The following RGS5 variants were observed in gnomAD, a reference collection of about 807,000 sequenced individuals.
The protein encoded by RGS5 is regulator of G protein signaling 5, also known as regulator of G-protein signalling 5.
Under a neutral mutation model 18.9 loss-of-function variants are expected in RGS5, and 20 were observed. The ratio of observed to expected loss-of-function variants is 1.06; its 90% CI spans 0.74 to 1.54. The LOEUF is 1.54. RGS5 is among the 40% of genes most tolerant of loss of function. The pLI is 0.00. For missense variants in RGS5, 201 were observed against 211.8 expected (o/e 0.95, Z 0.32); for synonymous variants, 57 against 76.2 (o/e 0.75, Z 1.31).
At chr1:163,176,678 T>C (rs1291265449) in intron 1 of RGS5, among the ~76,000 whole-genome samples, 1 of 152,216 alleles carries the variant, frequency 6.6e-6, no homozygotes, top group African/African-American at 2.4e-5. Context: ...CCTCTCCTTT[T>C]GTTCACTTAT....
intron 1 of RGS5, among the ~76,000 whole-genome samples, chr1:163,192,671 C>T (rs1336477315): frequency 6.6e-6 from 1 of 152,116 alleles, no homozygotes; most frequent in Non-Finnish European, 1.5e-5. Context: ...AGTGTGTATG[C>T]CTGCACATGC....
rs977941507 is a variant in RGS5 at position 163,146,297 on chromosome 1, G to T, written c.*1045C>A. 6.6e-6 allele frequency: 1 copy of T among 151,292 alleles called. No homozygotes were observed. The highest frequency in any genetic ancestry group is 2.1e-4 in the South Asian group (1 of 4,782). 9.4% of individuals were successfully genotyped at this position (151,292 alleles called of 1,614,324 possible). A position where few individuals can be genotyped will look rare whatever the true frequency, so the allele number is the denominator to read the frequency against. On this transcript the variant is annotated 3_prime_UTR_variant, in exon 5 of 5. Coordinates refer to ENST00000313961, the MANE Select transcript of RGS5 (RefSeq NM_003617.4). ...ACCTTAAAAGTGTCTCACCTAGAAGGCCTCTACCTGTAATCACATTAATTT... is the reference window on the plus strand; with the variant it reads ...ACCTTAAAAGTGTCTCACCTAGAAGTCCTCTACCTGTAATCACATTAATTT...
intron 2 of RGS5, among the ~76,000 whole-genome samples, chr1:163,245,220 T>A (rs1647896520): frequency 6.6e-6 from 1 of 152,338 alleles, no homozygotes; most frequent in East Asian, 1.9e-4. Context: ...TTTCACTCAC[T>A]TCTACTTTTC....
At chr1:163,281,343 AG>A (rs1189424784) in intron 2 of RGS5, among the ~76,000 whole-genome samples, 1 of 152,202 alleles carries the variant, frequency 6.6e-6, no homozygotes, top group African/African-American at 2.4e-5. Flanking sequence ...ATGGTTCTGC[AG>A]GCTGTACAGG....
chr1:163,155,535 C>T (rs964658936), intron 3 of RGS5, among the ~76,000 whole-genome samples: 2 of 152,084 alleles, frequency 1.3e-5, no homozygotes, highest in South Asian at 2.1e-4. Context: ...CTAGAGGGTC[C>T]CTCTAAAGTG....
At chr1:163,241,013 G>A (rs891497878) in intron 2 of RGS5, among the ~76,000 whole-genome samples, 1 of 152,160 alleles carries the variant, frequency 6.6e-6, no homozygotes, top group African/African-American at 2.4e-5. Flanking sequence ...CTCTTGCCAA[G>A]ATCTCTTCAT....
At chr1:163,163,271 T>C (rs945689407) in intron 2 of RGS5, among the ~76,000 whole-genome samples, 1 of 152,200 alleles carries the variant, frequency 6.6e-6, no homozygotes, top group African/African-American at 2.4e-5. Context: ...TGATTTTTCA[T>C]AAACTTTCAT....
chr1:163,193,593 A>C (rs1659442924), intron 1 of RGS5, among the ~76,000 whole-genome samples: 1 of 152,170 alleles, frequency 6.6e-6, no homozygotes, highest in Admixed American at 6.6e-5. Context: ...TTTCCAGGAA[A>C]GACCCAATTT....
chr1:163,186,973 T>C (rs1412988328), intron 1 of RGS5, among the ~76,000 whole-genome samples: 1 of 152,216 alleles, frequency 6.6e-6, no homozygotes, highest in Non-Finnish European at 1.5e-5. Context: ...ATTCCTAGTC[T>C]GTCATAATTG....
At chr1:163,222,119 C>A (rs1384137345), upstream of RGS5, among the ~76,000 whole-genome samples, 1 of 151,962 alleles carries the variant, frequency 6.6e-6, no homozygotes, top group South Asian at 2.1e-4. Context: ...CAATATATTA[C>A]CTCAGGGGTC....
intron 1 of RGS5, among the ~76,000 whole-genome samples, chr1:163,181,346 C>T (rs1173060278): frequency 1.3e-5 from 2 of 152,152 alleles, no homozygotes; most frequent in African/African-American, 4.8e-5. Flanking sequence ...GTTTAATACT[C>T]CAGGATCAGA....
At chr1:163,319,726 G>A (rs188824866) in intron 1 of RGS5, among the ~76,000 whole-genome samples, 1 of 152,284 alleles carries the variant, frequency 6.6e-6, no homozygotes, top group Admixed American at 6.5e-5. Context: ...GGTATTAGCA[G>A]GAGGGCTGTC....
At chr1:163,203,023 G>C (rs918075343), upstream of RGS5, 7 of 568,704 alleles carry the variant, frequency 1.2e-5, no homozygotes, top group African/African-American at 1.3e-4. Flanking sequence ...GAGAGCAGCA[G>C]CAGTGGGCCC....
upstream of RGS5, chr1:163,203,124 C>T (rs1322653535): frequency 2.4e-5 from 8 of 340,156 alleles, no homozygotes; most frequent in Admixed American, 8.5e-5. Context: ...TCTTGCTAAC[C>T]GGCCAGGGCA....
At chr1:163,309,807 A>T (rs952512434) in intron 1 of RGS5, among the ~76,000 whole-genome samples, 1 of 152,216 alleles carries the variant, frequency 6.6e-6, no homozygotes, top group African/African-American at 2.4e-5. Context: ...TGCCATATCT[A>T]TAAGAGGAAT....
intron 1 of RGS5, among the ~76,000 whole-genome samples, chr1:163,172,866 C>G (rs557050778): frequency 5.3e-5 from 8 of 152,276 alleles, no homozygotes; most frequent in African/African-American, 1.7e-4. Context: ...TTTCACAAGA[C>G]TAAATAATGT....
At chr1:163,265,167 A>AGG (rs1421058738) in intron 2 of RGS5, among the ~76,000 whole-genome samples, 1 of 152,108 alleles carries the variant, frequency 6.6e-6, no homozygotes, top group Non-Finnish European at 1.5e-5. Flanking sequence ...ACACTTTGTA[A>AGG]ACTCTTCAGT....
intron 1 of RGS5, among the ~76,000 whole-genome samples, chr1:163,210,297 C>T (rs1364149783): frequency 6.6e-6 from 1 of 152,190 alleles, no homozygotes; most frequent in East Asian, 1.9e-4. Context: ...CCCACCATGC[C>T]AGGCTGTATG....
rs1205978249 is a variant in RGS5 at position 163,147,376 on chromosome 1, A to C, written c.512T>G (p.Val171Gly). ...LMEKDSLPRF[V>G]RSEFYQELIK The stretch of plus-strand genomic sequence containing the variant: ...TAACTCCTGATAAAACTCAGAGCGC[A>C]CAAAGCGAGGCAGAGAATCCTTTTC... Residue 171 changes from valine (V) to glycine (G), a missense_variant, in exon 5 of 5, where the codon GTG (valine) becomes GGG (glycine). By Grantham distance (109) the Val-to-Gly change is moderately radical (BLOSUM62 -3). Coordinates refer to ENST00000313961, the MANE Select transcript of RGS5 (RefSeq NM_003617.4). The C allele has an allele frequency of 4.3e-6, 7 of 1,610,298 alleles. No individual in the cohort carries two copies. The highest frequency in any genetic ancestry group is 5.9e-6 in the Non-Finnish European group (7 of 1,178,570).
Sources: allele counts gnomAD v4.1 joint callset (sites outside exome capture counted in the v4.1 genomes callset), GRCh38; gene constraint gnomAD v4.1.1; transcripts MANE v1.5; gene names NCBI Gene and HGNC (gene_info 2026-07-23, HGNC 2026-07-21).